Variants in INKA2 observed in about 807,000 individuals in gnomAD.
The protein encoded by INKA2 is PAK4-inhibitor INKA2.
Under a neutral mutation model 9.8 loss-of-function variants are expected in INKA2, and 3 were observed. The observed-to-expected ratio is 0.31, with a 90% CI of 0.14 to 0.79. The LOEUF (loss-of-function observed/expected upper bound fraction) is 0.79, where lower values mean the gene tolerates loss of function less well. INKA2 is among the 30% of genes least tolerant of loss of function. The pLI, the probability that INKA2 is intolerant of heterozygous loss-of-function variation, is 0.62. For synonymous variants in INKA2, 147 were observed against 143.3 expected, an observed-to-expected ratio of 1.03 and a Z score of -0.18; for missense variants, 392 against 384.4, an observed-to-expected ratio of 1.02 and a Z score of -0.17.
At chr1:111,752,503 T>C (rs1034818604) in intron 1 of INKA2, among the ~76,000 whole-genome samples, 3 of 152,222 alleles carry the variant, frequency 2.0e-5, no homozygotes, top group Admixed American at 2.0e-4. Flanking sequence ...TTTTGTTGAA[T>C]GATTAGAGAT....
At chr1:111,745,341 G>A (rs1285426013) in intron 1 of INKA2, 1 of 129,008 alleles carries the variant, frequency 7.8e-6, no homozygotes, top group Non-Finnish European at 1.6e-5. Context: ...CTGTCAACCA[G>A]GTGGAGTGCA....
intron 1 of INKA2, among the ~76,000 whole-genome samples, chr1:111,735,546 C>A (rs892469632): frequency 1.3e-5 from 2 of 152,156 alleles, no homozygotes; most frequent in African/African-American, 2.4e-5. Flanking sequence ...GTTGGCCTGA[C>A]CCCAAATCTT....
rs1184411685 is a variant in INKA2, at chr1:111,739,319, G to C, written c.-77C>G. The C allele has an allele frequency of 3.8e-6, 6 of 1,591,970 alleles. No homozygotes were observed. In the East Asian group the frequency reaches 1.2e-4, roughly 31 times the overall value. ...GGCCCCACTGGAAACTGCGCTCCGG[G>C]CCGGCTCCCCGCCCCTGCGCCCGTA... On this transcript the variant is annotated 5_prime_UTR_variant, in exon 1 of 2. Coordinates refer to ENST00000357260, the MANE Select transcript of INKA2 (RefSeq NM_019099.5).
intron 1 of INKA2, among the ~76,000 whole-genome samples, chr1:111,738,456 C>T (rs573722976): frequency 2.0e-5 from 3 of 152,152 alleles, no homozygotes; most frequent in South Asian, 2.1e-4. Context: ...CCGAACGCTC[C>T]CTGCGCACTC....
chr1:111,755,721 T>C, exon 1 of INKA2: 2 of 1,613,788 alleles, frequency 1.2e-6, no homozygotes, highest in South Asian at 1.1e-5. Context: ...ATCTTTCCTC[T>C]CCTCCCTCTT....
intron 1 of INKA2, chr1:111,755,078 A>G (rs928111737): frequency 7.2e-6 from 1 of 138,560 alleles, no homozygotes; most frequent in Non-Finnish European, 1.7e-5. Flanking sequence ...AAGGAGCAAT[A>G]CAGAAGGCAT....
At chr1:111,741,449 C>CAT (rs1663149546), upstream of INKA2, among the ~76,000 whole-genome samples, 2 of 152,178 alleles carry the variant, frequency 1.3e-5, no homozygotes, top group Admixed American at 6.5e-5. Flanking sequence ...TGGGACCCAC[C>CAT]AGATGTTCAG....
In INKA2 at chr1:111,722,903, T is replaced by C; in HGVS notation, c.*4065A>G. 1.8e-6 allele frequency: 1 copy of C among 567,648 alleles called. No individual in the cohort carries two copies. The highest frequency in any genetic ancestry group is 3.1e-6 in the Non-Finnish European group (1 of 318,340). The allele number at this position is 567,648 out of a possible 1,614,324, so 35.2% of individuals were successfully genotyped here. A position where few individuals can be genotyped will look rare whatever the true frequency, so the allele number is the denominator to read the frequency against. Reference sequence around the variant, plus strand: ...TCCAGTATCTGCTGAGCTTCTGCTGTATTCCAGGCAGTGCTTGGACCGTAG... The same window carrying C: ...TCCAGTATCTGCTGAGCTTCTGCTGCATTCCAGGCAGTGCTTGGACCGTAG... On this transcript the variant is annotated 3_prime_UTR_variant, in exon 2 of 2. Coordinates refer to ENST00000357260, the MANE Select transcript of INKA2 (RefSeq NM_019099.5).
chr1:111,727,797 A>G lies in INKA2; in HGVS notation c.65T>C (p.Met22Thr), dbSNP rs777443274. ...CTGTAAGCCATCACCCACCTCCTTCATGGACATCTGCAGGGGAGAGAGAAA... is the reference window on the plus strand; with the variant it reads ...CTGTAAGCCATCACCCACCTCCTTCGTGGACATCTGCAGGGGAGAGAGAAA... The part of the protein sequence containing the change: ...LRRLKQELMS[M>T]KEVGDGLQDQ... Residue 22 changes from methionine (M) to threonine (T), a missense_variant, in exon 2 of 2, where the codon ATG becomes ACG. Met to Thr is a moderately conservative substitution (Grantham distance 81). Transcript: ENST00000357260. The G allele has an allele frequency of 5.0e-6, 8 of 1,604,734 alleles. No individual in the cohort carries two copies. In the East Asian group the frequency reaches 1.6e-4, roughly 31 times the overall value.
intron 1 of INKA2, among the ~76,000 whole-genome samples, chr1:111,751,583 C>T (rs1663413314): frequency 6.6e-6 from 1 of 152,198 alleles, no homozygotes; most frequent in Non-Finnish European, 1.5e-5. Flanking sequence ...TACTTGAGGG[C>T]AGCATCTCCT....
chr1:111,722,809 AAAGCACTTTTTCTT>A lies in INKA2; in HGVS notation c.*4145_*4158del. On this transcript the variant is annotated 3_prime_UTR_variant, in exon 2 of 2. Transcript: ENST00000357260. ...CAGAAGAAGAGACCAACGCTCAGAG[AAAGCACTTTTTCTT>A]AAGCACTTTTGCCTTGGGTCACATG... The A allele has an allele frequency of 2.2e-6, 1 of 447,972 alleles. No individual in the cohort carries two copies. Among genetic ancestry groups the A allele is most frequent in the Non-Finnish European group, 4.0e-6 (1 of 251,476 alleles). 27.7% of individuals were successfully genotyped at this position (447,972 alleles called of 1,614,324 possible).
In INKA2 at chr1:111,726,382, G is replaced by A; in HGVS notation, c.*586C>T. ...TTTTCTCAGAGTCCAGGTATGGACT[G>A]AAACCTCCAAGGCAGAAAGGGCTAG... On this transcript the variant is annotated 3_prime_UTR_variant, in exon 2 of 2. Transcript: ENST00000357260. The A allele has an allele frequency of 3.4e-6, 1 of 291,704 alleles. No homozygotes were observed. Among genetic ancestry groups the A allele is most frequent in the East Asian group, 5.7e-5 (1 of 17,440 alleles). The allele number at this position is 291,704 out of a possible 1,614,324, so 18.1% of individuals were successfully genotyped here.
chr1:111,745,231 T>TATACACACACACACAC (rs1356034280), intron 1 of INKA2: 5 of 112,724 alleles, frequency 4.4e-5, no homozygotes, highest in African/African-American at 1.8e-4. Context: ...CAAGCAAATA[T>TATACACACACACACAC]ACACACACAC....
intron 1 of INKA2, among the ~76,000 whole-genome samples, chr1:111,732,028 G>A (rs1662917011): frequency 6.6e-6 from 1 of 152,202 alleles, no homozygotes; most frequent in African/African-American, 2.4e-5. Context: ...GACACTGAAG[G>A]GCAAGAAGGC....
chr1:111,752,477 T>G (rs560442606), intron 1 of INKA2, among the ~76,000 whole-genome samples: 29 of 152,228 alleles, frequency 1.9e-4, no homozygotes, highest in Non-Finnish European at 2.4e-4. Context: ...TGGTTTATAC[T>G]AGGTGTTCAG....
chr1:111,743,840 G>A (rs1375671063), upstream of INKA2, among the ~76,000 whole-genome samples: 1 of 152,232 alleles, frequency 6.6e-6, no homozygotes, highest in African/African-American at 2.4e-5. Context: ...GACTGTGGCT[G>A]CCAACAACTA....
intron 1 of INKA2, among the ~76,000 whole-genome samples, chr1:111,734,059 C>T (rs1662963231): frequency 6.6e-6 from 1 of 152,236 alleles, no homozygotes; most frequent in Non-Finnish European, 1.5e-5. Flanking sequence ...CATTCTCCAG[C>T]TCAGTGAATA....
At chr1:111,735,174 C>G (rs768552358) in intron 1 of INKA2, among the ~76,000 whole-genome samples, 2 of 152,158 alleles carry the variant, frequency 1.3e-5, no homozygotes, top group Non-Finnish European at 2.9e-5. Context: ...TTCTATTAAA[C>G]CGTGTGTTCC....
At chr1:111,736,748 G>A (rs1364925106) in intron 1 of INKA2, among the ~76,000 whole-genome samples, 2 of 152,140 alleles carry the variant, frequency 1.3e-5, no homozygotes, top group Non-Finnish European at 2.9e-5. Flanking sequence ...GAAACCAACT[G>A]TATTCCTTTC....
Sources: gnomAD v4.1 joint callset for allele counts (sites outside exome capture counted in the v4.1 genomes callset) on GRCh38, gnomAD v4.1.1 for gene constraint, MANE v1.5 for transcripts, NCBI Gene and HGNC (gene_info 2026-07-23, HGNC 2026-07-21) for gene names.